TOX: variants seen among roughly 807,000 people sequenced by gnomAD.
The protein encoded by TOX is thymocyte selection associated high mobility group box.
A neutral mutation model predicts 53.7 loss-of-function variants in TOX; 11 were observed. That is an observed-to-expected ratio of 0.20 (90% CI 0.13 to 0.34). TOX has a LOEUF of 0.34. Ranked by LOEUF, TOX falls within the 10% of genes least tolerant of loss-of-function variation. TOX has a pLI of 1.00. For missense variants in TOX, 570 were observed against 664.6 expected, an observed-to-expected ratio of 0.86 and a Z score of 1.56; for synonymous variants, 225 against 245.3, an observed-to-expected ratio of 0.92 and a Z score of 0.77.
intron 5 of TOX, among the ~76,000 whole-genome samples, chr8:58,834,705 G>T (rs766042811): frequency 6.6e-6 from 1 of 152,178 alleles, no homozygotes; most frequent in South Asian, 2.1e-4. Context: ...GCAGCAGAGC[G>T]GTGGCCCAGC....
In TOX at chr8:58,959,876, G is replaced by C. The variant is rs1812772687; in HGVS notation, c.168+67C>G. On this transcript the variant is annotated intron_variant, in intron 2 of 8. Coordinates refer to ENST00000361421, the MANE Select transcript of TOX (RefSeq NM_014729.3). Reference sequence around the variant, plus strand: ...CAGTTACTGATAGTGCTACTCATTTGCAATGCAACTCTTTGAATTTGTTTA... The same window carrying C: ...CAGTTACTGATAGTGCTACTCATTTCCAATGCAACTCTTTGAATTTGTTTA... The C allele has an allele frequency of 2.0e-6, 3 of 1,503,748 alleles. No individual in the cohort carries two copies. The Admixed American group carries it at 5.1e-5, about 25-fold the overall frequency. 93.2% of individuals were successfully genotyped at this position (1,503,748 alleles called of 1,614,324 possible). A position where few individuals can be genotyped will look rare whatever the true frequency, so the allele number is the denominator to read the frequency against.
At chr8:58,892,282 G>A (rs749656982) in intron 3 of TOX, among the ~76,000 whole-genome samples, 8 of 152,172 alleles carry the variant, frequency 5.3e-5, no homozygotes, top group Middle Eastern at 3.4e-3. Context: ...AGTTTTAAAG[G>A]AGGCAGATGT....
intron 1 of TOX, among the ~76,000 whole-genome samples, chr8:58,968,704 G>A (rs1812947584): frequency 6.6e-6 from 1 of 152,116 alleles, no homozygotes; most frequent in Non-Finnish European, 1.5e-5. Context: ...TTCAGTATCT[G>A]ATAGATGCAT....
intron 1 of TOX, among the ~76,000 whole-genome samples, chr8:59,086,131 G>A (rs1427874955): frequency 6.6e-6 from 1 of 151,708 alleles, no homozygotes; most frequent in Non-Finnish European, 1.5e-5. Flanking sequence ...GACTACGGGT[G>A]TGCGCCACCA....
rs565197493 is a variant in TOX, at chr8:59,109,927, A to G, written c.102+8959T>C. Among the ~76,000 whole-genome samples, 3 of 152,278 alleles carry G rather than the reference A, an allele frequency of 2.0e-5. No individual in the cohort carries two copies. The South Asian group carries it at 6.2e-4, about 32-fold the overall frequency. On this transcript the variant is annotated intron_variant, in intron 1 of 8. Coordinates refer to ENST00000361421, the MANE Select transcript of TOX (RefSeq NM_014729.3). Reference sequence around the variant, plus strand: ...GCATACATGCAAACTTTCTCTCCCTAATTAAGTAAAAGTGTTCATGAACTA... The same window carrying G: ...GCATACATGCAAACTTTCTCTCCCTGATTAAGTAAAAGTGTTCATGAACTA...
rs1396223242 is a variant in TOX, at chr8:59,118,056, G to A, written c.102+830C>T. Among the ~76,000 whole-genome samples, 2 of 152,128 alleles carry A rather than the reference G, an allele frequency of 1.3e-5. No homozygotes were observed. The highest frequency in any genetic ancestry group is 6.5e-5 in the Admixed American group (1 of 15,274). ...GAACTCCGCAGCAGCCCAGGCCAGC[G>A]CCCCACCTCCGGGTCACCGGCATGA... On this transcript the variant is annotated intron_variant, in intron 1 of 8. Coordinates refer to ENST00000361421, the MANE Select transcript of TOX (RefSeq NM_014729.3). The surrounding 1 kb of genome is among the most constrained non-coding windows in gnomAD (Gnocchi z 4.1).
intron 3 of TOX, among the ~76,000 whole-genome samples, chr8:58,914,982 C>T (rs1331774752): frequency 5.9e-5 from 9 of 151,936 alleles, no homozygotes; most frequent in Non-Finnish European, 8.8e-5. Context: ...CCGAATATTG[C>T]GCTTTTCAGA....
At chr8:58,911,477 CGCTAAT>C (rs1330071428) in intron 3 of TOX, among the ~76,000 whole-genome samples, 3 of 151,954 alleles carry the variant, frequency 2.0e-5, no homozygotes, top group African/African-American at 4.8e-5. Flanking sequence ...ATGTATTTCT[CGCTAAT>C]ACTATTTTTA....
chr8:59,095,694 C>A (rs751068332), intron 1 of TOX, among the ~76,000 whole-genome samples: 1 of 152,182 alleles, frequency 6.6e-6, no homozygotes, highest in Non-Finnish European at 1.5e-5. Context: ...GCCACTGCGC[C>A]CAGACAATAT....
rs1243080130 is a variant in TOX at position 58,959,455 on chromosome 8, TC to T, written c.168+487del. 2.0e-5 allele frequency among the ~76,000 whole-genome samples: 3 copies of T among 152,090 alleles called. No individual in the cohort carries two copies. In the East Asian group the frequency reaches 5.8e-4, roughly 29 times the overall value. On this transcript the variant is annotated intron_variant, in intron 2 of 8. Transcript: ENST00000361421. The stretch of plus-strand genomic sequence containing the variant: ...TCATGTTTTTTGGCCTGAAAGCTCC[TC>T]CCCAGCCCCCACTCCTTACCTCCCC...
chr8:59,056,829 C>T (rs1205311253), intron 1 of TOX, among the ~76,000 whole-genome samples: 1 of 152,166 alleles, frequency 6.6e-6, no homozygotes, highest in African/African-American at 2.4e-5. Context: ...AGCAATGGCC[C>T]TTTCTTGGCA....
chr8:59,061,908 G>C (rs1803992852), intron 1 of TOX, among the ~76,000 whole-genome samples: 1 of 151,918 alleles, frequency 6.6e-6, no homozygotes, highest in Non-Finnish European at 1.5e-5. Flanking sequence ...TTCTTTCTTG[G>C]CGCTTCTCTT....
intron 1 of TOX, among the ~76,000 whole-genome samples, chr8:59,001,686 T>C (rs1813690997): frequency 6.6e-6 from 1 of 152,204 alleles, no homozygotes; most frequent in Non-Finnish European, 1.5e-5. Flanking sequence ...ATTTTAAAAA[T>C]ACTATTATTT....
intron 3 of TOX, among the ~76,000 whole-genome samples, chr8:58,894,244 G>A (rs1811603934): frequency 6.6e-6 from 1 of 152,196 alleles, no homozygotes; most frequent in African/African-American, 2.4e-5. Context: ...TGCACACCCT[G>A]CTACGGCAAT....
At chr8:59,021,463 C>CAAAAAAAAAA (rs148800261) in intron 1 of TOX, among the ~76,000 whole-genome samples, 8 of 69,684 alleles carry the variant, frequency 1.1e-4, no homozygotes, top group East Asian at 3.4e-4. Flanking sequence ...TTTCTACAAG[C>CAAAAAAAAAA]AAAAAAAAAA....
intron 6 of TOX, 86 bp downstream of exon 6, chr8:58,826,736 A>C: frequency 8.6e-7 from 1 of 1,156,722 alleles, no homozygotes; most frequent in Non-Finnish European, 1.2e-6. Context: ...GAATCGTTAA[A>C]GTGATCTTTT....
At chr8:58,810,332 A>G in intron 7 of TOX, among the ~76,000 whole-genome samples, 1 of 150,440 alleles carries the variant, frequency 6.6e-6, no homozygotes, top group Middle Eastern at 3.3e-3. Context: ...AGTTCTCCAT[A>G]TTGGATTTTT....
chr8:58,980,028 G>T (rs1282490420), intron 1 of TOX, among the ~76,000 whole-genome samples: 1 of 152,178 alleles, frequency 6.6e-6, no homozygotes, highest in Non-Finnish European at 1.5e-5. Flanking sequence ...AAATGGATTT[G>T]GGAGATGGTT....
chr8:58,908,288 G>A (rs74451807), intron 3 of TOX, among the ~76,000 whole-genome samples: 3,125 of 152,172 alleles, frequency 0.021, 118 homozygotes, highest in African/African-American at 0.071. Context: ...CCTTTTACAC[G>A]TAACCCAGCC....
Sources: gnomAD v4.1 joint callset for allele counts (sites outside exome capture counted in the v4.1 genomes callset) on GRCh38, gnomAD v4.1.1 for gene constraint, Gnocchi (gnomAD v3.1) non-coding constraint, MANE v1.5 for transcripts, NCBI Gene and HGNC (gene_info 2026-07-23, HGNC 2026-07-21) for gene names.